EPYC: variants seen among roughly 807,000 people sequenced by gnomAD.
EPYC encodes the protein dermatan sulfate proteoglycan 3.
In EPYC, 28 loss-of-function variants were observed where a neutral mutation model predicts 30.1. The observed-to-expected ratio is 0.93, with a 90% confidence interval of 0.69 to 1.28. The LOEUF is 1.28. Among genes scored for constraint, EPYC ranks in the 50% most tolerant of loss-of-function variants. The pLI, the probability that EPYC is intolerant of heterozygous loss-of-function variation, is 0.00. For synonymous variants in EPYC, 144 were observed against 141.4 expected (o/e 1.02, Z -0.13); for missense variants, 382 against 383.5 (o/e 1.00, Z 0.03).
chr12:91,002,423 T>A lies in EPYC; in HGVS notation c.143A>T (p.Asn48Ile). 2 of 1,612,444 alleles carry A rather than the reference T, an allele frequency of 1.2e-6. No homozygotes were observed. Among genetic ancestry groups the A allele is most frequent in the Non-Finnish European group, 1.7e-6 (2 of 1,179,300 alleles). Residue 48 changes from asparagine (N) to isoleucine (I), a missense_variant, in exon 2 of 7, where the codon AAC becomes ATC. Asn to Ile is a moderately radical substitution (Grantham distance 149, BLOSUM62 -3). Transcript: ENST00000261172. ...TACCTCAACTTTATCAACAGGTATG[T>A]TTTCATAGTTGTACAAATTATCCAG... The part of the protein sequence containing the change: ...EDLDNLYNYE[N>I]IPVDKVEIEI...
At chr12:90,972,025 G>T (rs1374294045) in intron 4 of EPYC, 23 bp from the exon 5 acceptor site, 2 of 1,324,468 alleles carry the variant, frequency 1.5e-6, no homozygotes, top group Non-Finnish European at 2.1e-6. Context: ...AATAAAGGAA[G>T]TAATTAAATA....
At chr12:90,999,149 T>C (rs1277559813) in intron 2 of EPYC, among the ~76,000 whole-genome samples, 3 of 152,082 alleles carry the variant, frequency 2.0e-5, no homozygotes, top group Admixed American at 1.3e-4. Flanking sequence ...AACTGTGCCA[T>C]ATAGTATAGC....
Position 90,964,009 on chromosome 12 carries a change from C to CTTAT in EPYC, c.*146_*147insATAA. ...GTGTTTTCTTAAATTACTACATTTT[C>CTTAT]ATTATAACATTTTTAATTGTATTTT... On this transcript the variant is annotated 3_prime_UTR_variant, in exon 7 of 7. Transcript: ENST00000261172. The CTTAT allele has an allele frequency of 1.9e-6, 1 of 533,966 alleles. No individual in the cohort carries two copies. The highest frequency in any genetic ancestry group is 3.1e-5 in the East Asian group (1 of 32,460). 33.1% of individuals were successfully genotyped at this position (533,966 alleles called of 1,614,324 possible).
chr12:90,966,333 TA>T (rs1177093530), intron 6 of EPYC, among the ~76,000 whole-genome samples: 1 of 152,076 alleles, frequency 6.6e-6, no homozygotes, highest in African/African-American at 2.4e-5. Context: ...TTTACTTTTT[TA>T]GTAATATTAT....
chr12:90,969,005 A>C (rs985056159), intron 6 of EPYC, among the ~76,000 whole-genome samples: 1 of 145,684 alleles, frequency 6.9e-6, no homozygotes, highest in Non-Finnish European at 1.5e-5. Flanking sequence ...ATATATACAT[A>C]TATATATATA....
At chr12:90,979,919 C>T (rs1877285130) in intron 2 of EPYC, among the ~76,000 whole-genome samples, 3 of 152,124 alleles carry the variant, frequency 2.0e-5, no homozygotes, top group Non-Finnish European at 4.4e-5. Flanking sequence ...TTATTTAAAG[C>T]ATGAAATCAA....
At chr12:90,970,191 T>C in intron 5 of EPYC, 52 bp from the exon 6 acceptor site, 1 of 1,317,584 alleles carries the variant, frequency 7.6e-7, no homozygotes, top group Non-Finnish European at 1.1e-6. Flanking sequence ...AAAAACTCAA[T>C]AAGAAATAAA....
intron 3 of EPYC, among the ~76,000 whole-genome samples, chr12:90,977,273 T>C (rs544987581): frequency 6.6e-6 from 1 of 152,150 alleles, no homozygotes; most frequent in Admixed American, 6.6e-5. Flanking sequence ...TGAGTCCTCT[T>C]GAGTACCCCC....
At chr12:90,994,204 G>A (rs1877648911) in intron 2 of EPYC, among the ~76,000 whole-genome samples, 1 of 152,088 alleles carries the variant, frequency 6.6e-6, no homozygotes, top group Non-Finnish European at 1.5e-5. Context: ...CAAGCACAAT[G>A]GGGTTAGCCT....
At chr12:90,976,537 T>G (rs1371003175) in intron 3 of EPYC, among the ~76,000 whole-genome samples, 1 of 152,116 alleles carries the variant, frequency 6.6e-6, no homozygotes, top group Non-Finnish European at 1.5e-5. Flanking sequence ...AATACATATG[T>G]TTTGGTTCCT....
chr12:90,986,592 TAA>T (rs1326059157), intron 2 of EPYC, among the ~76,000 whole-genome samples: 1 of 152,058 alleles, frequency 6.6e-6, no homozygotes, highest in East Asian at 1.9e-4. Flanking sequence ...AATAACCATA[TAA>T]ACAAGCTGGG....
At chr12:90,967,535 A>G (rs768900572) in intron 6 of EPYC, among the ~76,000 whole-genome samples, 3 of 152,184 alleles carry the variant, frequency 2.0e-5, no homozygotes, top group Non-Finnish European at 2.9e-5. Flanking sequence ...TACCTGGGAA[A>G]TGTTCCTTGT....
Position 90,968,623 on chromosome 12 carries a change from T to C in EPYC, c.798+1421A>G, listed in dbSNP as rs566351888. On this transcript the variant is annotated intron_variant, in intron 6 of 6. Coordinates refer to ENST00000261172, the MANE Select transcript of EPYC (RefSeq NM_004950.5). ...AATTTTAAGTTGCACTTATTGACTT[T>C]CAAAGCTTAGAATGGGAATGTAAAA... is the stretch of plus-strand genomic sequence containing the variant. Among the ~76,000 whole-genome samples, 3 of 152,300 alleles carry C rather than the reference T, an allele frequency of 2.0e-5. No individual in the cohort carries two copies. In the South Asian group the frequency reaches 6.2e-4, roughly 32 times the overall value.
Position 91,002,539 on chromosome 12 carries a change from C to T in EPYC, c.27G>A (p.Leu9=), listed in dbSNP as rs377503392. 1 of 1,612,318 alleles carries T rather than the reference C, an allele frequency of 6.2e-7. No homozygotes were observed. Among genetic ancestry groups the T allele is most frequent in the South Asian group, 1.1e-5 (1 of 90,698 alleles). The part of the protein sequence containing the change: MKTLAGLV[L]GLVIFDAAVT... ...CAGCAGCATCAAAGATGACAAGTCC[C>T]AGAACAAGTCCTGCTAATGTCTTCA... The change falls in exon 2 of 7, where the codon CTG becomes CTA. Residue 9 remains leucine, a synonymous_variant. Transcript: ENST00000261172.
At chr12:90,982,154 C>A (rs1476446099) in intron 2 of EPYC, among the ~76,000 whole-genome samples, 1 of 152,088 alleles carries the variant, frequency 6.6e-6, no homozygotes, top group African/African-American at 2.4e-5. Flanking sequence ...TACTTTCGCT[C>A]CCTATCTGCC....
At chr12:90,998,893 A>C (rs1317855811) in intron 2 of EPYC, among the ~76,000 whole-genome samples, 1 of 152,030 alleles carries the variant, frequency 6.6e-6, no homozygotes, top group Non-Finnish European at 1.5e-5. Flanking sequence ...CAGAGCTCAG[A>C]GTTCCTTGTG....
At chr12:90,991,741 C>A (rs1877589600) in intron 2 of EPYC, among the ~76,000 whole-genome samples, 1 of 152,102 alleles carries the variant, frequency 6.6e-6, no homozygotes, top group African/African-American at 2.4e-5. Flanking sequence ...ACAAATCATT[C>A]CAATTTCAGT....
At position 90,970,102 on chromosome 12, in the gene EPYC, T is replaced by C; in HGVS notation, c.740A>G (p.Asn247Ser). 1 of 1,613,998 alleles carries C rather than the reference T, an allele frequency of 6.2e-7. No individual in the cohort carries two copies. Among genetic ancestry groups the C allele is most frequent in the Non-Finnish European group, 8.5e-7 (1 of 1,179,868 alleles). ...TGGCAGAGGGATGTGGTCCAAGTTG[T>C]TATCAGTGAGGTACAGATGATGGAG... ...YDLHHLYLTD[N>S]NLDHIPLPLP... The change falls in exon 6 of 7, where the codon AAC becomes AGC. Residue 247 changes from asparagine (N) to serine (S), a missense_variant. Transcript: ENST00000261172.
chr12:90,966,709 T>A (rs1400200983), intron 6 of EPYC, among the ~76,000 whole-genome samples: 1 of 152,118 alleles, frequency 6.6e-6, no homozygotes, highest in African/African-American at 2.4e-5. Context: ...TGTGAAAGAT[T>A]GTTATGAATT....
Sources: allele counts gnomAD v4.1 joint callset (sites outside exome capture counted in the v4.1 genomes callset), GRCh38; gene constraint gnomAD v4.1.1; transcripts MANE v1.5; gene names NCBI Gene and HGNC (gene_info 2026-07-23, HGNC 2026-07-21).